AUTS2: variants seen among roughly 807,000 people sequenced by gnomAD.
The protein encoded by AUTS2 is autism susceptibility gene 2 protein.
In AUTS2, 17 loss-of-function variants were observed where a neutral mutation model predicts 112.4. That is an observed-to-expected ratio of 0.15 (90% confidence interval 0.10 to 0.23). The LOEUF (loss-of-function observed/expected upper bound fraction) is 0.23, where lower values mean the gene tolerates loss of function less well. Among genes scored for constraint, AUTS2 ranks in the 10% least tolerant of loss-of-function variants. AUTS2 has a pLI of 1.00. For missense variants in AUTS2, 1,510 were observed against 1,701.6 expected (o/e 0.89, Z 1.98); for synonymous variants, 751 against 702.7 (o/e 1.07, Z -1.09).
intron 4 of AUTS2, among the ~76,000 whole-genome samples, chr7:70,245,170 A>ATAT (rs57817453): frequency 1.7e-3 from 222 of 133,548 alleles, no homozygotes; most frequent in Middle Eastern, 8.1e-3. Context: ...ATATATATAT[A>ATAT]AAAAATAAAA....
At chr7:70,524,872 C>T (rs868181227) in intron 5 of AUTS2, among the ~76,000 whole-genome samples, 4 of 152,168 alleles carry the variant, frequency 2.6e-5, no homozygotes, top group Non-Finnish European at 5.9e-5. Context: ...CCAGTGCAGA[C>T]GCCTCGATGA....
chr7:70,422,097 A>G (rs972531843), intron 4 of AUTS2, among the ~76,000 whole-genome samples: 1 of 152,122 alleles, frequency 6.6e-6, no homozygotes, highest in Non-Finnish European at 1.5e-5. Context: ...TAAAGGGAAG[A>G]AAAAAAAGGA....
At chr7:69,724,844 A>G (rs1417839710) in intron 1 of AUTS2, among the ~76,000 whole-genome samples, 1 of 152,194 alleles carries the variant, frequency 6.6e-6, no homozygotes, top group African/African-American at 2.4e-5. Flanking sequence ...TTGGGGATCC[A>G]TGTCCAGAGA....
At chr7:69,615,962 C>T (rs76110197) in intron 1 of AUTS2, among the ~76,000 whole-genome samples, 371 of 152,314 alleles carry the variant, frequency 2.4e-3, no homozygotes, top group Non-Finnish European at 4.1e-3. Context: ...GGCTTGCAAT[C>T]GATGACTCTT....
At chr7:70,291,807 A>G (rs1788719295) in intron 4 of AUTS2, 1 of 152,184 alleles carries the variant, frequency 6.6e-6, no homozygotes, top group South Asian at 2.1e-4. Context: ...TTGAGAAATA[A>G]GACAAACTAG....
At chr7:69,806,695 G>A (rs1347546655) in intron 1 of AUTS2, among the ~76,000 whole-genome samples, 1 of 152,198 alleles carries the variant, frequency 6.6e-6, no homozygotes, top group Non-Finnish European at 1.5e-5. Context: ...TTGAGGCAGA[G>A]AGAGAAAGTA....
At chr7:70,601,089 C>T (rs1803452241) in intron 5 of AUTS2, among the ~76,000 whole-genome samples, 1 of 152,194 alleles carries the variant, frequency 6.6e-6, no homozygotes, top group Non-Finnish European at 1.5e-5. Context: ...TTTTGAGGAA[C>T]TCCCAGACTG....
intron 6 of AUTS2, among the ~76,000 whole-genome samples, chr7:70,759,285 A>G (rs1200854877): frequency 6.6e-6 from 1 of 152,222 alleles, no homozygotes; most frequent in African/African-American, 2.4e-5. Context: ...CGTGACTTCC[A>G]GCAAGCAAGT....
intron 4 of AUTS2, among the ~76,000 whole-genome samples, chr7:70,278,837 C>G (rs1349026637): frequency 3.9e-5 from 6 of 152,124 alleles, no homozygotes; most frequent in Non-Finnish European, 1.5e-5. Flanking sequence ...GGAGTACTCT[C>G]ATTACTTATC....
At chr7:70,013,968 G>A (rs367696152) in intron 2 of AUTS2, among the ~76,000 whole-genome samples, 16 of 151,994 alleles carry the variant, frequency 1.1e-4, no homozygotes, top group Non-Finnish European at 1.3e-4. Flanking sequence ...CACCCACCTC[G>A]GCCTCCCAAA....
chr7:70,250,337 C>A (rs1037305201), intron 4 of AUTS2, among the ~76,000 whole-genome samples: 2 of 152,120 alleles, frequency 1.3e-5, no homozygotes, highest in African/African-American at 2.4e-5. Context: ...GCCATGATAC[C>A]AGACATGCAA....
At chr7:70,117,104 G>GTTTT (rs61076536) in intron 2 of AUTS2, among the ~76,000 whole-genome samples, 17 of 78,432 alleles carry the variant, frequency 2.2e-4, no homozygotes, top group African/African-American at 8.2e-4. Flanking sequence ...GATGACTTTT[G>GTTTT]TTTTTTTTTT....
At chr7:69,787,272 CAGG>C (rs1398487597) in intron 1 of AUTS2, among the ~76,000 whole-genome samples, 1 of 152,242 alleles carries the variant, frequency 6.6e-6, no homozygotes, top group Admixed American at 6.5e-5. Flanking sequence ...TAGTCTATTT[CAGG>C]AGAAGGGAAA....
chr7:70,163,348 G>C lies in AUTS2; in HGVS notation c.660+28777G>C, dbSNP rs866303926. On this transcript the variant is annotated intron_variant, in intron 4 of 18. Transcript: ENST00000342771. ...ATGAGTGTTAGGTTGTGGTGGTGGGGGGGGGGGGGGCAGAGGGGGAGGGAG... is the reference window on the plus strand; with the variant it reads ...ATGAGTGTTAGGTTGTGGTGGTGGGCGGGGGGGGGGCAGAGGGGGAGGGAG... 1.1e-4 allele frequency among the ~76,000 whole-genome samples: 12 copies of C among 106,608 alleles called. 1 individual carries two copies. In the South Asian group the frequency reaches 2.8e-3, roughly 25 times the overall value. 69.9% of individuals were successfully genotyped at this position (106,608 alleles called of 152,430 possible).
chr7:70,482,647 A>T, intron 5 of AUTS2, among the ~76,000 whole-genome samples: 1 of 152,164 alleles, frequency 6.6e-6, no homozygotes, highest in Non-Finnish European at 1.5e-5. Context: ...TGTCATGAAG[A>T]TGAAGATGAT....
chr7:69,863,605 T>G (rs2129533187), intron 1 of AUTS2, among the ~76,000 whole-genome samples: 1 of 152,342 alleles, frequency 6.6e-6, no homozygotes, highest in Middle Eastern at 3.4e-3. Flanking sequence ...GTTTAAGAAC[T>G]GCTTACAGAA....
chr7:70,640,431 A>AAAC (rs1805758013), intron 5 of AUTS2, among the ~76,000 whole-genome samples: 1 of 151,034 alleles, frequency 6.6e-6, no homozygotes, highest in East Asian at 1.9e-4. Context: ...GAAAAAAAAA[A>AAAC]AAAAAAAAAA....
intron 1 of AUTS2, among the ~76,000 whole-genome samples, chr7:69,605,152 A>G (rs1043932852): frequency 8.5e-5 from 13 of 152,326 alleles, no homozygotes; most frequent in African/African-American, 2.9e-4. Flanking sequence ...TATGGGAAAT[A>G]CTAGAAAGGA....
chr7:69,909,638 T>C (rs555182094), intron 2 of AUTS2, among the ~76,000 whole-genome samples: 137 of 152,314 alleles, frequency 9.0e-4, no homozygotes, highest in African/African-American at 3.2e-3. Flanking sequence ...AATAAAAATA[T>C]TATAATTGAA....
Sources: allele counts gnomAD v4.1 joint callset (sites outside exome capture counted in the v4.1 genomes callset), GRCh38; gene constraint gnomAD v4.1.1; transcripts MANE v1.5; gene names NCBI Gene and HGNC (gene_info 2026-07-23, HGNC 2026-07-21).